NHEJ1: variants seen among roughly 807,000 people sequenced by gnomAD.
NHEJ1 encodes non-homologous end-joining factor 1.
Under a neutral mutation model 39.4 loss-of-function variants are expected in NHEJ1, and 22 were observed. The observed-to-expected ratio is 0.56, with a 90% CI of 0.40 to 0.80. The LOEUF (loss-of-function observed/expected upper bound fraction) is 0.80, where lower values mean the gene tolerates loss of function less well. Ranked by LOEUF, NHEJ1 falls within the 30% of genes least tolerant of loss-of-function variation. The pLI, the probability that NHEJ1 is intolerant of heterozygous loss-of-function variation, is 0.00. For missense variants in NHEJ1, 329 were observed against 357.1 expected (o/e 0.92, Z 0.63); for synonymous variants, 154 against 135.6 (o/e 1.14, Z -0.94).
intron 5 of NHEJ1, among the ~76,000 whole-genome samples, chr2:219,090,805 G>A (rs1467385175): frequency 6.6e-6 from 1 of 152,174 alleles, no homozygotes; most frequent in Non-Finnish European, 1.5e-5. Context: ...CTACTAAGGG[G>A]CCATCTGTGT....
At chr2:219,105,963 T>C (rs776068826) in intron 5 of NHEJ1, among the ~76,000 whole-genome samples, 1 of 152,254 alleles carries the variant, frequency 6.6e-6, no homozygotes, top group Non-Finnish European at 1.5e-5. Flanking sequence ...TGAAGATCCA[T>C]CTTCTAACAT....
chr2:219,117,523 T>C (rs1042726019), intron 5 of NHEJ1, among the ~76,000 whole-genome samples: 3 of 152,210 alleles, frequency 2.0e-5, no homozygotes, highest in African/African-American at 7.2e-5. Context: ...TCAGCCAGAA[T>C]GTTGGGGAAA....
At chr2:219,079,795 T>C (rs754463684) in intron 5 of NHEJ1, among the ~76,000 whole-genome samples, 17 of 152,204 alleles carry the variant, frequency 1.1e-4, no homozygotes, top group African/African-American at 2.4e-5. Context: ...CTCTCCTCCA[T>C]AGCCAGAGAG....
chr2:219,117,377 G>T (rs907036528), intron 5 of NHEJ1, among the ~76,000 whole-genome samples: 1 of 152,176 alleles, frequency 6.6e-6, no homozygotes, highest in African/African-American at 2.4e-5. Flanking sequence ...AGGGATGAAG[G>T]CCTCTAGGCA....
chr2:219,129,978 T>A (rs1949562562), intron 5 of NHEJ1, among the ~76,000 whole-genome samples: 1 of 151,672 alleles, frequency 6.6e-6, no homozygotes, highest in Non-Finnish European at 1.5e-5. Flanking sequence ...TCTGTCCTGT[T>A]TTTTTTTTCT....
chr2:219,153,030 T>G (rs1257797662), intron 3 of NHEJ1, among the ~76,000 whole-genome samples: 1 of 152,086 alleles, frequency 6.6e-6, no homozygotes, highest in East Asian at 1.9e-4. Context: ...CTCGAACTCC[T>G]GACCTCAGGT....
intron 3 of NHEJ1, among the ~76,000 whole-genome samples, chr2:219,153,368 T>G (rs11690365): frequency 0.5 from 76,172 of 151,606 alleles, 21,389 homozygotes; most frequent in Non-Finnish European, 0.64. Context: ...ATCTCTTTCT[T>G]ACACTAAGAA....
chr2:219,080,642 T>TATATATATGCTA (rs1491092633), intron 5 of NHEJ1, among the ~76,000 whole-genome samples: 2 of 104,722 alleles, frequency 1.9e-5, no homozygotes, highest in Non-Finnish European at 3.7e-5. Context: ...TATATAAGCT[T>TATATATATGCTA]ATATATATGC....
intron 3 of NHEJ1, among the ~76,000 whole-genome samples, chr2:219,155,202 G>C (rs1426590802): frequency 6.6e-6 from 1 of 151,332 alleles, no homozygotes; most frequent in East Asian, 1.9e-4. Context: ...AAATGGTTTG[G>C]TCCCAGAACA....
intron 4 of NHEJ1, 66 bp downstream of exon 4, chr2:219,147,591 C>G: frequency 6.2e-7 from 1 of 1,604,618 alleles, no homozygotes; most frequent in Non-Finnish European, 8.5e-7. Flanking sequence ...GAGTCTCCCT[C>G]TTTGCTAAGA....
At chr2:219,084,826 A>C (rs1341940156) in intron 5 of NHEJ1, among the ~76,000 whole-genome samples, 3 of 152,178 alleles carry the variant, frequency 2.0e-5, no homozygotes, top group Non-Finnish European at 4.4e-5. Flanking sequence ...TTTCATCTTC[A>C]TTCTCTCCAC....
At chr2:219,160,492 C>G (rs1354569288) in intron 1 of NHEJ1, 1 of 152,060 alleles carries the variant, frequency 6.6e-6, no homozygotes, top group Non-Finnish European at 1.5e-5. Flanking sequence ...TCGCACCAAA[C>G]AGGCGACCAA....
intron 5 of NHEJ1, among the ~76,000 whole-genome samples, chr2:219,116,028 G>A (rs1265922011): frequency 6.6e-6 from 1 of 152,236 alleles, no homozygotes; most frequent in Non-Finnish European, 1.5e-5. Context: ...GCTGAGGCAG[G>A]AGAATCACTT....
intron 5 of NHEJ1, among the ~76,000 whole-genome samples, chr2:219,134,417 A>G (rs1949605839): frequency 6.6e-6 from 1 of 152,260 alleles, no homozygotes; most frequent in Non-Finnish European, 1.5e-5. Flanking sequence ...TCTAGCACAC[A>G]CAGAGTATGG....
chr2:219,118,937 A>T (rs1053450574), intron 5 of NHEJ1, among the ~76,000 whole-genome samples: 1 of 152,108 alleles, frequency 6.6e-6, no homozygotes, highest in African/African-American at 2.4e-5. Flanking sequence ...TAAAGGGCAG[A>T]CTCTGAGTTT....
Position 219,137,570 on chromosome 2 carries a change from C to CAAAAAAAAAAAAAAA in NHEJ1, c.588+9095_588+9109dup, listed in dbSNP as rs58279021. ...AATGGAGAAATAAATGTGTTACAGG[C>CAAAAAAAAAAAAAAA]AAAAAAAAAAAAAAAAAAAAAACAA... On this transcript the variant is annotated intron_variant, in intron 5 of 7. Coordinates refer to ENST00000356853, the MANE Select transcript of NHEJ1 (RefSeq NM_024782.3). 7.8e-4 allele frequency among the ~76,000 whole-genome samples: 27 copies of CAAAAAAAAAAAAAAA among 34,720 alleles called. 1 individual carries two copies. The highest frequency in any genetic ancestry group is 1.1e-3 in the Non-Finnish European group (17 of 16,026). 22.8% of individuals were successfully genotyped at this position (34,720 alleles called of 152,430 possible).
chr2:219,133,535 T>C (rs1464141786), intron 5 of NHEJ1, among the ~76,000 whole-genome samples: 9 of 152,196 alleles, frequency 5.9e-5, no homozygotes, highest in African/African-American at 2.2e-4. Flanking sequence ...GAGAGAAGTA[T>C]AGCAATTCTT....
intron 3 of NHEJ1, among the ~76,000 whole-genome samples, chr2:219,152,789 T>TTATTTTTATTTA (rs60094718): frequency 2.3e-5 from 2 of 87,784 alleles, no homozygotes; most frequent in East Asian, 2.5e-4. Context: ...ATTTATTTAT[T>TTATTTTTATTTA]TTTATTTATT....
At chr2:219,113,623 G>C (rs1319821483) in intron 5 of NHEJ1, among the ~76,000 whole-genome samples, 1 of 152,056 alleles carries the variant, frequency 6.6e-6, no homozygotes, top group Non-Finnish European at 1.5e-5. Context: ...TCCTGACATA[G>C]AAAAGAGCCC....
Sources: gnomAD v4.1 joint callset for allele counts (sites outside exome capture counted in the v4.1 genomes callset) on GRCh38, gnomAD v4.1.1 for gene constraint, MANE v1.5 for transcripts, NCBI Gene and HGNC (gene_info 2026-07-23, HGNC 2026-07-21) for gene names.